RPRD1A: variants seen among roughly 807,000 people sequenced by gnomAD.
RPRD1A encodes the protein regulation of nuclear pre-mRNA domain containing 1A, also known as regulation of nuclear pre-mRNA domain-containing protein 1A.
Under a neutral mutation model 37.8 loss-of-function variants are expected in RPRD1A, and 9 were observed. The observed-to-expected ratio is 0.24, with a 90% CI of 0.14 to 0.42. The LOEUF (loss-of-function observed/expected upper bound fraction) is 0.42. Among genes scored for constraint, RPRD1A ranks in the 10% least tolerant of loss-of-function variants. The probability of loss-of-function intolerance (pLI) is 1.00; values close to 1 mark genes in which losing one functional copy is unlikely to be tolerated. For synonymous variants in RPRD1A, 138 were observed against 139.7 expected (o/e 0.99, Z 0.08); for missense variants, 255 against 371.0 (o/e 0.69, Z 2.57).
chr18:36,000,379 T>A (rs1222184597), intron 6 of RPRD1A, among the ~76,000 whole-genome samples: 1 of 152,250 alleles, frequency 6.6e-6, no homozygotes, highest in Non-Finnish European at 1.5e-5. Context: ...ATTACTTTAA[T>A]GTAAGTAAGT....
intron 6 of RPRD1A, among the ~76,000 whole-genome samples, chr18:36,013,867 A>C (rs1910327708): frequency 6.6e-6 from 1 of 152,196 alleles, no homozygotes; most frequent in Non-Finnish European, 1.5e-5. Context: ...TTTCTTAAAC[A>C]CCAACAAAAT....
At chr18:36,057,520 G>A (rs1350114799) in intron 1 of RPRD1A, among the ~76,000 whole-genome samples, 1 of 152,200 alleles carries the variant, frequency 6.6e-6, no homozygotes, top group Non-Finnish European at 1.5e-5. Flanking sequence ...GCTGAAGTGG[G>A]AGGATCGCTT....
At chr18:36,042,102 C>T (rs188547197) in intron 1 of RPRD1A, among the ~76,000 whole-genome samples, 3 of 152,280 alleles carry the variant, frequency 2.0e-5, no homozygotes, top group Admixed American at 2.0e-4. Flanking sequence ...AAGAGGTCTC[C>T]ACCATTTACA....
intron 6 of RPRD1A, among the ~76,000 whole-genome samples, chr18:36,002,881 T>C (rs1201809796): frequency 3.3e-5 from 5 of 152,356 alleles, no homozygotes; most frequent in African/African-American, 1.2e-4. Context: ...AGATCTGCTA[T>C]AGAGGTAGAT....
rs760272338 is a variant in RPRD1A at position 36,031,102 on chromosome 18, A to G, written c.282-5T>C. ...TTACAACTTTCATCAGTTTCACTAA[A>G]AAAAAAAAAAAAGAAAAAAAGAAAA... is the stretch of plus-strand genomic sequence containing the variant. On this transcript the variant is annotated splice_region_variant and splice_polypyrimidine_tract_variant and intron_variant, in intron 2 of 6. Coordinates refer to ENST00000399022, the MANE Select transcript of RPRD1A (RefSeq NM_018170.5). 4 of 1,184,670 alleles carry G rather than the reference A, an allele frequency of 3.4e-6. No homozygotes were observed. The South Asian group carries it at 6.7e-5, about 20-fold the overall frequency. 73.4% of individuals were successfully genotyped at this position (1,184,670 alleles called of 1,614,324 possible).
At chr18:36,036,853 C>T (rs1356120821) in intron 1 of RPRD1A, among the ~76,000 whole-genome samples, 1 of 152,118 alleles carries the variant, frequency 6.6e-6, no homozygotes, top group Admixed American at 6.5e-5. Flanking sequence ...CAAAGAAATG[C>T]CACTGTTGGC....
chr18:36,031,132 T>TG, intron 2 of RPRD1A, 35 bp from the exon 3 acceptor site: 1 of 1,495,870 alleles, frequency 6.7e-7, no homozygotes, highest in South Asian at 1.4e-5. Flanking sequence ...AGAAAAATGT[T>TG]AACAGTAACA....
At chr18:36,061,804 C>A (rs992210227) in intron 1 of RPRD1A, among the ~76,000 whole-genome samples, 1 of 152,094 alleles carries the variant, frequency 6.6e-6, no homozygotes, top group Admixed American at 6.6e-5. Flanking sequence ...CATAAAAAGA[C>A]AAATTTTAAA....
At chr18:36,065,462 G>A (rs1004931447) in intron 1 of RPRD1A, among the ~76,000 whole-genome samples, 1 of 151,904 alleles carries the variant, frequency 6.6e-6, no homozygotes, top group Non-Finnish European at 1.5e-5. Context: ...TGGTTTTTTT[G>A]TTTTCTTATT....
intron 6 of RPRD1A, chr18:36,025,236 T>A (rs1911279733): frequency 6.4e-6 from 1 of 156,172 alleles, no homozygotes; most frequent in African/African-American, 2.4e-5. Flanking sequence ...GCAAGTTACT[T>A]AATCTTCCTG....
At chr18:36,012,957 T>C (rs1328783053) in intron 6 of RPRD1A, among the ~76,000 whole-genome samples, 1 of 152,214 alleles carries the variant, frequency 6.6e-6, no homozygotes, top group African/African-American at 2.4e-5. Flanking sequence ...CTCCAAATCA[T>C]TTTAACAAGG....
At chr18:36,006,350 C>CA (rs1471599514) in intron 6 of RPRD1A, among the ~76,000 whole-genome samples, 1 of 151,976 alleles carries the variant, frequency 6.6e-6, no homozygotes, top group African/African-American at 2.4e-5. Flanking sequence ...AGCTAATTTT[C>CA]AAAAAATATT....
intron 6 of RPRD1A, among the ~76,000 whole-genome samples, chr18:36,015,356 G>A (rs1161965394): frequency 1.3e-5 from 2 of 151,984 alleles, no homozygotes; most frequent in Non-Finnish European, 2.9e-5. Flanking sequence ...GGGACTACAG[G>A]TGCCAGCCAC....
chr18:36,065,959 CT>C (rs2089022013), intron 1 of RPRD1A, among the ~76,000 whole-genome samples: 1 of 151,838 alleles, frequency 6.6e-6, no homozygotes, highest in African/African-American at 2.4e-5. Flanking sequence ...TCTAAATGCT[CT>C]CTGCAAAAAC....
At chr18:36,026,133 T>TA (rs1313133003) in intron 6 of RPRD1A, 2 of 153,642 alleles carry the variant, frequency 1.3e-5, no homozygotes, top group Non-Finnish European at 2.9e-5. Context: ...CTTAATGGGG[T>TA]AGTACCATGA....
intron 6 of RPRD1A, among the ~76,000 whole-genome samples, chr18:35,996,142 T>C (rs909964097): frequency 5.3e-5 from 8 of 152,234 alleles, no homozygotes; most frequent in African/African-American, 1.4e-4. Context: ...TCACTACTTA[T>C]GACAAATGTA....
intron 6 of RPRD1A, among the ~76,000 whole-genome samples, chr18:36,013,708 T>G (rs917205613): frequency 6.6e-6 from 1 of 152,206 alleles, no homozygotes; most frequent in African/African-American, 2.4e-5. Flanking sequence ...TTTTAAAATA[T>G]TAAAATGTAA....
chr18:35,995,339 C>T (rs529314242), intron 6 of RPRD1A, among the ~76,000 whole-genome samples: 1 of 149,182 alleles, frequency 6.7e-6, no homozygotes, highest in East Asian at 2.0e-4. Flanking sequence ...TCTCAGCTCA[C>T]CACAACCTTC....
intron 1 of RPRD1A, among the ~76,000 whole-genome samples, chr18:36,047,629 G>A (rs899831115): frequency 2.6e-5 from 4 of 152,024 alleles, no homozygotes; most frequent in African/African-American, 7.2e-5. Context: ...TCAATATCAG[G>A]AATAAAACAG....
Sources: allele counts gnomAD v4.1 joint callset (sites outside exome capture counted in the v4.1 genomes callset), GRCh38; gene constraint gnomAD v4.1.1; transcripts MANE v1.5; gene names NCBI Gene and HGNC (gene_info 2026-07-23, HGNC 2026-07-21).